SLC27A6: variants seen among roughly 807,000 people sequenced by gnomAD.
SLC27A6 encodes the protein long-chain fatty acid transport protein 6.
Under a neutral mutation model 63.9 loss-of-function variants are expected in SLC27A6, and 74 were observed. The observed-to-expected ratio is 1.16, with a 90% confidence interval of 0.96 to 1.40. SLC27A6 has a LOEUF of 1.40. Ranked by LOEUF, SLC27A6 falls within the 40% of genes most tolerant of loss-of-function variation. The pLI is 0.00. For missense variants in SLC27A6, 794 were observed against 732.9 expected (o/e 1.08, Z -0.96); for synonymous variants, 287 against 260.8 (o/e 1.10, Z -0.97).
chr5:128,994,445 C>T (rs62400594), intron 4 of SLC27A6, among the ~76,000 whole-genome samples: 1 of 152,106 alleles, frequency 6.6e-6, no homozygotes, highest in Non-Finnish European at 1.5e-5. Context: ...TCTGTTATGA[C>T]ATCTTTTCCC....
intron 5 of SLC27A6, among the ~76,000 whole-genome samples, chr5:129,017,560 A>C (rs1751944451): frequency 6.6e-6 from 1 of 152,122 alleles, no homozygotes; most frequent in Non-Finnish European, 1.5e-5. Flanking sequence ...ATGACATAGA[A>C]AAAATGTTTG....
chr5:128,966,009 A>G lies in SLC27A6; in HGVS notation c.-129A>G, dbSNP rs1410468944. ...TCCCCATCCCGCTTCGCCCCGGAAA[A>G]GCTGACAAGAACTTCAGGTGTAAGC... On this transcript the variant is annotated 5_prime_UTR_variant, in exon 1 of 10. Transcript: ENST00000262462. The G allele has an allele frequency of 7.2e-6, 8 of 1,117,820 alleles. No individual in the cohort carries two copies. Among genetic ancestry groups the G allele is most frequent in the Non-Finnish European group, 9.7e-6 (8 of 827,454 alleles). 69.2% of individuals were successfully genotyped at this position (1,117,820 alleles called of 1,614,324 possible). A position where few individuals can be genotyped will look rare whatever the true frequency, so the allele number is the denominator to read the frequency against.
chr5:128,978,267 GGAA>G (rs1750460100), intron 1 of SLC27A6, among the ~76,000 whole-genome samples: 1 of 152,062 alleles, frequency 6.6e-6, no homozygotes, highest in African/African-American at 2.4e-5. Flanking sequence ...ACATCAAAGT[GGAA>G]TTGACAGTCT....
At chr5:129,027,922 G>C (rs914196463) in intron 7 of SLC27A6, among the ~76,000 whole-genome samples, 1 of 151,998 alleles carries the variant, frequency 6.6e-6, no homozygotes, top group Non-Finnish European at 1.5e-5. Flanking sequence ...ATTTAAGTGG[G>C]TCAGAGTCAA....
At chr5:129,003,967 C>CAAAA (rs779667758) in intron 4 of SLC27A6, among the ~76,000 whole-genome samples, 18 of 69,230 alleles carry the variant, frequency 2.6e-4, no homozygotes, top group East Asian at 1.0e-3. Context: ...GACCCTGTCT[C>CAAAA]AAAAAAAAAA....
chr5:129,018,026 T>C (rs755038384), intron 5 of SLC27A6, among the ~76,000 whole-genome samples: 10 of 152,142 alleles, frequency 6.6e-5, no homozygotes, highest in Non-Finnish European at 1.0e-4. Context: ...GACATACATG[T>C]ATGAGGAAAG....
intron 2 of SLC27A6, among the ~76,000 whole-genome samples, chr5:128,986,460 T>G (rs1296738716): frequency 6.6e-6 from 1 of 152,248 alleles, no homozygotes; most frequent in African/African-American, 2.4e-5. Context: ...AAGAGTATTG[T>G]TACTCATTTC....
intron 4 of SLC27A6, among the ~76,000 whole-genome samples, chr5:128,997,911 G>A (rs775803188): frequency 1.9e-4 from 29 of 152,048 alleles, no homozygotes; most frequent in Admixed American, 1.3e-4. Flanking sequence ...ATTGGCCCTT[G>A]ATTCTCATAA....
chr5:128,990,724 T>G (rs183658224), intron 4 of SLC27A6, among the ~76,000 whole-genome samples: 127 of 152,224 alleles, frequency 8.3e-4, no homozygotes, highest in Non-Finnish European at 9.1e-4. Context: ...CGGTGAGTGT[T>G]ATAGCTCTAT....
chr5:128,981,899 C>T (rs1219832609), intron 1 of SLC27A6, among the ~76,000 whole-genome samples: 3 of 151,630 alleles, frequency 2.0e-5, no homozygotes, highest in Admixed American at 1.3e-4. Flanking sequence ...CTGCAACCTC[C>T]GCCTCCCAGG....
chr5:128,978,418 A>C (rs186614894), intron 1 of SLC27A6, among the ~76,000 whole-genome samples: 49 of 152,338 alleles, frequency 3.2e-4, no homozygotes, highest in Admixed American at 2.1e-3. Context: ...CTGTCTCCCA[A>C]AACCGCTGAG....
chr5:128,999,324 A>C lies in SLC27A6; in HGVS notation c.969+8860A>C, dbSNP rs569667787. Among the ~76,000 whole-genome samples the C allele has an allele frequency of 1.6e-4, 24 of 152,242 alleles. 1 individual carries two copies. Among genetic ancestry groups the C allele is most frequent in the Admixed American group, 1.6e-3 (24 of 15,270 alleles). On this transcript the variant is annotated intron_variant, in intron 4 of 9. Transcript: ENST00000262462. ...ATGTCTTTAGGTTGGACTCATATAAACCAGGCTCAAGAATGCCAGTTTATG... is the reference window on the plus strand; with the variant it reads ...ATGTCTTTAGGTTGGACTCATATAACCCAGGCTCAAGAATGCCAGTTTATG...
chr5:129,018,540 C>T lies in SLC27A6; in HGVS notation c.1164+2461C>T, dbSNP rs190128536. Among the ~76,000 whole-genome samples, 464 of 152,058 alleles carry T rather than the reference C, an allele frequency of 3.1e-3. 2 individuals carry two copies. The highest frequency in any genetic ancestry group is 0.011 in the African/African-American group (446 of 41,508). ...TCTAAGAAATGCACTTTATTCTGAA[C>T]GAAAGCATTTTGGGGAAAGTAAGTG... is the stretch of plus-strand genomic sequence containing the variant. On this transcript the variant is annotated intron_variant, in intron 5 of 9. Transcript: ENST00000262462.
At chr5:129,022,583 AT>A (rs1752110117) in intron 5 of SLC27A6, among the ~76,000 whole-genome samples, 1 of 151,678 alleles carries the variant, frequency 6.6e-6, no homozygotes, top group Admixed American at 6.6e-5. Flanking sequence ...ATCTCACTTC[AT>A]TTTATTACAT....
chr5:129,027,300 T>C lies in SLC27A6; in HGVS notation c.1423T>C (p.Tyr475His). 6.2e-7 allele frequency: 1 copy of C among 1,612,900 alleles called. No homozygotes were observed. ...AGTCCAGGATCAGGACAATTTCCTT[T>C]ATTTTTGGGACCGTACTGGAGACAC... Reference protein sequence around the residue: ...LIVQDQDNFLYFWDRTGDTFR... With the variant: ...LIVQDQDNFLHFWDRTGDTFR... Residue 475 changes from tyrosine to histidine, a missense_variant, in exon 7 of 10, where the codon TAT becomes CAT. Physicochemically the swap from Tyr to His is moderately conservative, Grantham distance 83. Coordinates refer to ENST00000262462, the MANE Select transcript of SLC27A6 (RefSeq NM_001017372.3).
chr5:129,005,909 G>A (rs1265096124), intron 4 of SLC27A6, among the ~76,000 whole-genome samples: 1 of 151,514 alleles, frequency 6.6e-6, no homozygotes, highest in Non-Finnish European at 1.5e-5. Context: ...ACCGTGGCCG[G>A]CCTAGGTCTG....
intron 4 of SLC27A6, among the ~76,000 whole-genome samples, chr5:129,009,716 C>T (rs1456647424): frequency 1.3e-5 from 2 of 151,950 alleles, no homozygotes; most frequent in Non-Finnish European, 2.9e-5. Context: ...ACTCTGTTGC[C>T]CCGGCTGGAG....
At chr5:128,976,775 C>T (rs540082295) in intron 1 of SLC27A6, among the ~76,000 whole-genome samples, 27 of 152,144 alleles carry the variant, frequency 1.8e-4, no homozygotes, top group Non-Finnish European at 1.5e-4. Flanking sequence ...TTACTTCTTA[C>T]GAAGAGAAAT....
chr5:129,016,164 G>A (rs1314931626), intron 5 of SLC27A6, 85 bp downstream of exon 5: 11 of 930,540 alleles, frequency 1.2e-5, no homozygotes, highest in Admixed American at 1.0e-4. Context: ...ACGCCGAGGT[G>A]GGCAGATCAT....
Sources: allele counts gnomAD v4.1 joint callset (sites outside exome capture counted in the v4.1 genomes callset), GRCh38; gene constraint gnomAD v4.1.1; transcripts MANE v1.5; gene names NCBI Gene and HGNC (gene_info 2026-07-23, HGNC 2026-07-21).